ATE1: variants seen among roughly 807,000 people sequenced by gnomAD.
The protein encoded by ATE1 is arginyltransferase 1.
A neutral mutation model predicts 70.5 loss-of-function variants in ATE1; 36 were observed. That is an observed-to-expected ratio of 0.51 (90% CI 0.39 to 0.67). The LOEUF (loss-of-function observed/expected upper bound fraction) is 0.67. Among genes scored for constraint, ATE1 ranks in the 30% least tolerant of loss-of-function variants. The probability of loss-of-function intolerance (pLI) is 0.00; values close to 1 mark genes in which losing one functional copy is unlikely to be tolerated. For missense variants in ATE1, 593 were observed against 629.5 expected, an observed-to-expected ratio of 0.94 and a Z score of 0.62; for synonymous variants, 232 against 219.3, an observed-to-expected ratio of 1.06 and a Z score of -0.51.
Position 121,762,669 on chromosome 10 carries a change from G to A in ATE1, c.1379-18811C>T, listed in dbSNP as rs1035374279. ...TGCGTGTGCCCTGCGAGGGGATGGC[G>A]TCCTGTTGAGGACTGGTTCCACTTT... On this transcript the variant is annotated intron_variant, in intron 11 of 11. Transcript: ENST00000224652. 5.3e-5 allele frequency among the ~76,000 whole-genome samples: 8 copies of A among 152,286 alleles called. No individual in the cohort carries two copies. In the East Asian group the frequency reaches 7.7e-4, roughly 15 times the overall value.
At chr10:121,892,789 A>C (rs1333129735) in intron 7 of ATE1, among the ~76,000 whole-genome samples, 1 of 152,134 alleles carries the variant, frequency 6.6e-6, no homozygotes, top group Non-Finnish European at 1.5e-5. Context: ...TGATCGGATT[A>C]CTGGCATGAG....
intron 3 of ATE1, among the ~76,000 whole-genome samples, chr10:121,914,389 G>A (rs1202090974): frequency 1.3e-5 from 2 of 150,052 alleles, no homozygotes; most frequent in Non-Finnish European, 3.0e-5. Flanking sequence ...TTTTTAAAGA[G>A]AGAAAGACAT....
At chr10:121,801,289 CTTCT>C (rs1159083424) in intron 10 of ATE1, among the ~76,000 whole-genome samples, 4 of 152,296 alleles carry the variant, frequency 2.6e-5, no homozygotes, top group East Asian at 3.9e-4. Flanking sequence ...TACTTTAAAG[CTTCT>C]TTAAGACTGA....
rs913103144 is a variant in ATE1, at chr10:121,824,800, A to G, written c.1257+11918T>C. On this transcript the variant is annotated intron_variant, in intron 10 of 11. Coordinates refer to ENST00000224652, the MANE Select transcript of ATE1 (RefSeq NM_001001976.3). ...ACTCTGAGAGATAATATGGGGGAAA[A>G]AATTTAATTATGCCTAACAACATTT... Among the ~76,000 whole-genome samples, 161 of 152,300 alleles carry G rather than the reference A, an allele frequency of 1.1e-3. 1 individual carries two copies. The highest frequency in any genetic ancestry group is 3.6e-3 in the African/African-American group (149 of 41,568).
intron 7 of ATE1, among the ~76,000 whole-genome samples, chr10:121,878,718 G>C (rs998239829): frequency 4.6e-5 from 7 of 151,964 alleles, no homozygotes; most frequent in African/African-American, 1.4e-4. Context: ...AAAAACTATA[G>C]TTCCACCTGG....
At chr10:121,885,720 T>G (rs1187969231) in intron 7 of ATE1, among the ~76,000 whole-genome samples, 1 of 151,756 alleles carries the variant, frequency 6.6e-6, no homozygotes, top group African/African-American at 2.4e-5. Flanking sequence ...GCCAACATGG[T>G]GAAACCCTGT....
chr10:121,741,372 T>G lies in ATE1; in HGVS notation c.*2308A>C, dbSNP rs1177191957. On this transcript the variant is annotated 3_prime_UTR_variant, in exon 12 of 12. Coordinates refer to ENST00000224652, the MANE Select transcript of ATE1 (RefSeq NM_001001976.3). ...TGAATACAGCAGCCAAGTAGAAGGATCTCCAATGCTCAAGTCACTCTGAGT... is the reference window on the plus strand; with the variant it reads ...TGAATACAGCAGCCAAGTAGAAGGAGCTCCAATGCTCAAGTCACTCTGAGT... 1.3e-5 allele frequency: 2 copies of G among 152,182 alleles called. No individual in the cohort carries two copies. The highest frequency in any genetic ancestry group is 2.9e-5 in the Non-Finnish European group (2 of 68,056). The allele number at this position is 152,182 out of a possible 1,614,324, so 9.4% of individuals were successfully genotyped here. A position where few individuals can be genotyped will look rare whatever the true frequency, so the allele number is the denominator to read the frequency against.
chr10:121,926,671 C>A (rs1952105142), intron 1 of ATE1: 1 of 949,980 alleles, frequency 1.1e-6, no homozygotes, highest in Non-Finnish European at 1.3e-6. Context: ...AATATTATAG[C>A]CAAAATACAA....
At chr10:121,843,818 T>G (rs1236943053) in intron 8 of ATE1, among the ~76,000 whole-genome samples, 1 of 151,762 alleles carries the variant, frequency 6.6e-6, no homozygotes, top group African/African-American at 2.4e-5. Flanking sequence ...AATGAGAAAT[T>G]AGAAAACTTC....
chr10:121,805,834 A>C (rs1947074827), intron 10 of ATE1, among the ~76,000 whole-genome samples: 1 of 152,374 alleles, frequency 6.6e-6, no homozygotes, highest in Admixed American at 6.5e-5. Context: ...CTAGCCCCGC[A>C]GACCACTATA....
At chr10:121,764,494 A>G (rs1037993965) in intron 11 of ATE1, among the ~76,000 whole-genome samples, 1 of 152,138 alleles carries the variant, frequency 6.6e-6, no homozygotes, top group African/African-American at 2.4e-5. Context: ...AAAAAAAAAA[A>G]AAAAAAAAGA....
chr10:121,823,600 C>T lies in ATE1; in HGVS notation c.1257+13118G>A, dbSNP rs117464256. The stretch of plus-strand genomic sequence containing the variant: ...GCATGGGCTATGCAAGAGAAGGAAG[C>T]ACATTTCCTTCTTCAGTAGGCCAGG... On this transcript the variant is annotated intron_variant, in intron 10 of 11. Transcript: ENST00000224652. Among the ~76,000 whole-genome samples the T allele has an allele frequency of 2.9e-4, 44 of 152,306 alleles. 1 individual carries two copies. In the East Asian group the frequency reaches 8.5e-3, roughly 29 times the overall value.
At chr10:121,906,323 T>G (rs534668245) in intron 5 of ATE1, among the ~76,000 whole-genome samples, 128 of 151,684 alleles carry the variant, frequency 8.4e-4, no homozygotes, top group South Asian at 6.3e-3. Context: ...AGTCCAGGAG[T>G]TCAAGACCAG....
intron 10 of ATE1, among the ~76,000 whole-genome samples, chr10:121,805,175 T>C (rs938546013): frequency 6.6e-6 from 1 of 152,128 alleles, no homozygotes; most frequent in South Asian, 2.1e-4. Flanking sequence ...TTAGCAAAAA[T>C]ATCTAGCTGT....
At chr10:121,887,366 A>T (rs182513989) in intron 7 of ATE1, among the ~76,000 whole-genome samples, 2 of 152,212 alleles carry the variant, frequency 1.3e-5, no homozygotes, top group Non-Finnish European at 2.9e-5. Flanking sequence ...TCAGAAGTAG[A>T]TATCGCCTCC....
intron 10 of ATE1, among the ~76,000 whole-genome samples, chr10:121,825,314 T>C (rs1947963670): frequency 6.6e-6 from 1 of 152,182 alleles, no homozygotes; most frequent in Admixed American, 6.5e-5. Context: ...AGGTTACAAA[T>C]ATGACACACA....
chr10:121,817,040 C>G (rs756006243), intron 10 of ATE1, among the ~76,000 whole-genome samples: 1 of 150,432 alleles, frequency 6.6e-6, no homozygotes, highest in Non-Finnish European at 1.5e-5. Context: ...AAAAGAAACA[C>G]TCTTTTTAAT....
chr10:121,779,472 CACCCGTTTT>C (rs1215796217), intron 11 of ATE1, among the ~76,000 whole-genome samples: 1 of 152,208 alleles, frequency 6.6e-6, no homozygotes, highest in Non-Finnish European at 1.5e-5. Context: ...ACTGTTGCCA[CACCCGTTTT>C]ATCTTCACTC....
intron 11 of ATE1, among the ~76,000 whole-genome samples, chr10:121,764,962 G>C (rs1036767102): frequency 2.0e-5 from 3 of 152,182 alleles, no homozygotes; most frequent in African/African-American, 7.2e-5. Context: ...GGATAGCAGG[G>C]CTATCATTAC....
Sources: allele counts gnomAD v4.1 joint callset (sites outside exome capture counted in the v4.1 genomes callset), GRCh38; gene constraint gnomAD v4.1.1; transcripts MANE v1.5; gene names NCBI Gene and HGNC (gene_info 2026-07-23, HGNC 2026-07-21).